Variants in SESN3 observed in about 807,000 individuals in gnomAD.
SESN3 encodes the protein sestrin 3, also known as sestrin-3.
Under a neutral mutation model 55.3 loss-of-function variants are expected in SESN3, and 21 were observed. The observed-to-expected ratio is 0.38, with a 90% CI of 0.27 to 0.55. The LOEUF (loss-of-function observed/expected upper bound fraction) is 0.55. SESN3 is among the 20% of genes least tolerant of loss of function. The probability of loss-of-function intolerance (pLI) is 0.76; values close to 1 mark genes in which losing one functional copy is unlikely to be tolerated. For missense variants in SESN3, 408 were observed against 604.3 expected (o/e 0.68, Z 3.41); for synonymous variants, 181 against 203.1 (o/e 0.89, Z 0.93).
At chr11:95,209,823 C>A (rs1242248779) in intron 1 of SESN3, among the ~76,000 whole-genome samples, 3 of 150,526 alleles carry the variant, frequency 2.0e-5, no homozygotes. Flanking sequence ...TTGAGACCAG[C>A]CTGGCTAACA....
At chr11:95,206,379 C>T (rs971870474) in intron 1 of SESN3, among the ~76,000 whole-genome samples, 1 of 150,468 alleles carries the variant, frequency 6.6e-6, no homozygotes, top group Non-Finnish European at 1.5e-5. Context: ...CACACACACA[C>T]ACACACACAC....
At chr11:95,180,477 C>G (rs1302921544) in intron 6 of SESN3, among the ~76,000 whole-genome samples, 1 of 152,052 alleles carries the variant, frequency 6.6e-6, no homozygotes, top group African/African-American at 2.4e-5. Context: ...TCAGATAAAT[C>G]TTATTAAAAT....
rs530808256 is a variant in SESN3, at chr11:95,215,869, C to T, written c.78+14914G>A. Among the ~76,000 whole-genome samples, 50 of 152,120 alleles carry T rather than the reference C, an allele frequency of 3.3e-4. 2 individuals are homozygous for T. The South Asian group carries it at 9.3e-3, about 28-fold the overall frequency. Reference sequence around the variant, plus strand: ...GTCCCAGCACTTTGGGAGGCCGAGGCGGGCGGATCACGAGGTCAGGAGATC... The same window carrying T: ...GTCCCAGCACTTTGGGAGGCCGAGGTGGGCGGATCACGAGGTCAGGAGATC... On this transcript the variant is annotated intron_variant, in intron 1 of 9. Transcript: ENST00000536441.
chr11:95,190,516 A>T (rs1860247070), intron 3 of SESN3, among the ~76,000 whole-genome samples: 2 of 151,884 alleles, frequency 1.3e-5, no homozygotes, highest in South Asian at 4.1e-4. Flanking sequence ...GTAAAACAGT[A>T]TTATTTTATT....
At chr11:95,187,981 T>C (rs1178487615) in intron 4 of SESN3, among the ~76,000 whole-genome samples, 3 of 150,422 alleles carry the variant, frequency 2.0e-5, no homozygotes, top group Non-Finnish European at 4.4e-5. Flanking sequence ...GAATCATTAC[T>C]AGAATCTTAT....
intron 6 of SESN3, among the ~76,000 whole-genome samples, chr11:95,182,614 A>C (rs1860077465): frequency 1.3e-5 from 2 of 152,198 alleles, no homozygotes; most frequent in South Asian, 4.1e-4. Context: ...ACTCATGAAC[A>C]CTGAAGTTTG....
intron 1 of SESN3, among the ~76,000 whole-genome samples, chr11:95,218,198 A>G (rs1053466587): frequency 6.6e-6 from 1 of 152,250 alleles, no homozygotes; most frequent in African/African-American, 2.4e-5. Context: ...TACTTACTAT[A>G]GAAGAACTAC....
At chr11:95,202,331 C>T (rs1253425707) in intron 1 of SESN3, among the ~76,000 whole-genome samples, 1 of 151,966 alleles carries the variant, frequency 6.6e-6, no homozygotes, top group African/African-American at 2.4e-5. Flanking sequence ...AGAACAAGAA[C>T]ATCCTGTGGA....
intron 1 of SESN3, among the ~76,000 whole-genome samples, chr11:95,213,847 C>A (rs1460458619): frequency 6.6e-6 from 1 of 151,956 alleles, no homozygotes; most frequent in Non-Finnish European, 1.5e-5. Context: ...CTCTATCAAT[C>A]TGAAGATAAT....
At chr11:95,189,680 A>T (rs1591055322) in intron 4 of SESN3, 99 bp downstream of exon 4, 2 of 771,194 alleles carry the variant, frequency 2.6e-6, no homozygotes, top group East Asian at 5.6e-5. Flanking sequence ...TTCTACACAT[A>T]CTAAGACACT....
At chr11:95,196,043 G>A (rs1191356830) in intron 1 of SESN3, among the ~76,000 whole-genome samples, 1 of 152,078 alleles carries the variant, frequency 6.6e-6, no homozygotes, top group Non-Finnish European at 1.5e-5. Context: ...ATCCCAGCTG[G>A]GAAGCTCTGG....
intron 1 of SESN3, among the ~76,000 whole-genome samples, chr11:95,210,342 TC>T (rs1860631245): frequency 6.6e-6 from 1 of 152,130 alleles, no homozygotes; most frequent in Non-Finnish European, 1.5e-5. Context: ...TGCACATGTA[TC>T]CCAGAACTTA....
chr11:95,230,930 G>T lies in SESN3; in HGVS notation c.-70C>A. On this transcript the variant is annotated 5_prime_UTR_variant, in exon 1 of 10. Coordinates refer to ENST00000536441, the MANE Select transcript of SESN3 (RefSeq NM_144665.4). The surrounding 1 kb of genome is among the most constrained non-coding windows in gnomAD (Gnocchi z 4.6). ...CGGGCTGTCACTGCGGCCACTGCAG[G>T]GCCGGTCCGTCCCCCCGCCGCCAGC... is the stretch of plus-strand genomic sequence containing the variant. The T allele has an allele frequency of 9.7e-7, 1 of 1,033,238 alleles. No individual in the cohort carries two copies. The highest frequency in any genetic ancestry group is 1.3e-6 in the Non-Finnish European group (1 of 766,494). 64.0% of individuals were successfully genotyped at this position (1,033,238 alleles called of 1,614,324 possible).
intron 1 of SESN3, among the ~76,000 whole-genome samples, chr11:95,216,690 C>G (rs1860763166): frequency 6.6e-6 from 1 of 150,972 alleles, no homozygotes; most frequent in Non-Finnish European, 1.5e-5. Context: ...TAATAAAAAT[C>G]TAATAATTAG....
intron 9 of SESN3, among the ~76,000 whole-genome samples, chr11:95,174,736 C>G (rs1859923098): frequency 6.6e-6 from 1 of 152,134 alleles, no homozygotes; most frequent in South Asian, 2.1e-4. Context: ...ATCCCCCCAC[C>G]TCGGCCTCCC....
chr11:95,203,019 C>T (rs778936186), intron 1 of SESN3, among the ~76,000 whole-genome samples: 34 of 151,990 alleles, frequency 2.2e-4, no homozygotes, highest in Middle Eastern at 3.4e-3. Context: ...ATTACTCAGT[C>T]GATGGTTGAT....
rs1431014463 is a variant in SESN3 at position 95,165,740 on chromosome 11, TTTGTC to T, written c.*7510_*7514del. The T allele has an allele frequency of 1.3e-5, 2 of 152,210 alleles. No individual in the cohort carries two copies. The highest frequency in any genetic ancestry group is 2.9e-5 in the Non-Finnish European group (2 of 68,026). The allele number at this position is 152,210 out of a possible 1,614,324, so 9.4% of individuals were successfully genotyped here. ...ACACAGTTCCTTTATTTCAGATGTG[TTTGTC>T]TTGACTCACTAACAGTTCCTTCTGC... On this transcript the variant is annotated 3_prime_UTR_variant, in exon 10 of 10. Transcript: ENST00000536441.
intron 1 of SESN3, among the ~76,000 whole-genome samples, chr11:95,206,889 G>C (rs772673761): frequency 4.0e-5 from 6 of 151,736 alleles, no homozygotes; most frequent in Non-Finnish European, 7.4e-5. Flanking sequence ...TCCACCTCCC[G>C]GGTTCAAGCA....
At position 95,184,165 on chromosome 11, in the gene SESN3, C is replaced by T. The variant is rs555648185; in HGVS notation, c.937+255G>A. 5.2e-5 allele frequency: 24 copies of T among 459,208 alleles called. No individual in the cohort carries two copies. In the South Asian group the frequency reaches 1.3e-3, roughly 24 times the overall value. The allele number at this position is 459,208 out of a possible 1,614,324, so 28.4% of individuals were successfully genotyped here. A position where few individuals can be genotyped will look rare whatever the true frequency, so the allele number is the denominator to read the frequency against. ...CTATCTAACTTTATAAGTAACTGAT[C>T]TGCTTTAAATAACATTTTATCCAGG... On this transcript the variant is annotated intron_variant, in intron 6 of 9. Transcript: ENST00000536441.
Sources: allele counts gnomAD v4.1 joint callset (sites outside exome capture counted in the v4.1 genomes callset), GRCh38; gene constraint gnomAD v4.1.1; non-coding constraint Gnocchi (gnomAD v3.1); transcripts MANE v1.5; gene names NCBI Gene and HGNC (gene_info 2026-07-23, HGNC 2026-07-21).